IGF2BP2: variants seen among roughly 807,000 people sequenced by gnomAD.
IGF2BP2 encodes insulin-like growth factor 2 mRNA-binding protein 2.
Under a neutral mutation model 75.8 loss-of-function variants are expected in IGF2BP2, and 17 were observed. The observed-to-expected ratio is 0.22, with a 90% CI of 0.15 to 0.34. The LOEUF is 0.34. Ranked by LOEUF, IGF2BP2 falls within the 10% of genes least tolerant of loss-of-function variation. The pLI is 1.00. For missense variants in IGF2BP2, 516 were observed against 772.4 expected (o/e 0.67, Z 3.93); for synonymous variants, 288 against 295.6 (o/e 0.97, Z 0.26).
chr3:185,785,482 C>T (rs1735770006), intron 2 of IGF2BP2, among the ~76,000 whole-genome samples: 1 of 151,538 alleles, frequency 6.6e-6, no homozygotes, highest in Non-Finnish European at 1.5e-5. Flanking sequence ...ATCAGGGAGA[C>T]TTAAGCATTT....
chr3:185,710,009 G>C (rs959139620), intron 2 of IGF2BP2, among the ~76,000 whole-genome samples: 2 of 152,172 alleles, frequency 1.3e-5, no homozygotes, highest in African/African-American at 2.4e-5. Context: ...ACTTATGTTA[G>C]GTGTTGGGGT....
intron 2 of IGF2BP2, among the ~76,000 whole-genome samples, chr3:185,736,783 T>C (rs1441945949): frequency 2.6e-5 from 4 of 152,186 alleles, no homozygotes; most frequent in Non-Finnish European, 5.9e-5. Flanking sequence ...TGCACAATGT[T>C]GGGGACATGC....
At chr3:185,749,460 A>G (rs1730681126) in intron 2 of IGF2BP2, among the ~76,000 whole-genome samples, 1 of 152,224 alleles carries the variant, frequency 6.6e-6, no homozygotes, top group Admixed American at 6.5e-5. Context: ...TCAAACAAGC[A>G]ATTAAAGTTG....
At chr3:185,733,294 A>G (rs1298255219) in intron 2 of IGF2BP2, among the ~76,000 whole-genome samples, 1 of 152,214 alleles carries the variant, frequency 6.6e-6, no homozygotes, top group African/African-American at 2.4e-5. Flanking sequence ...TCCCAAGGAA[A>G]AGAGGGTGCT....
chr3:185,801,073 G>C (rs1195757096), intron 2 of IGF2BP2, among the ~76,000 whole-genome samples: 2 of 152,006 alleles, frequency 1.3e-5, no homozygotes, highest in Non-Finnish European at 2.9e-5. Flanking sequence ...CTTCTCAAAA[G>C]AAGACATTCA....
At chr3:185,792,458 AT>A (rs934613378) in intron 2 of IGF2BP2, among the ~76,000 whole-genome samples, 24 of 149,296 alleles carry the variant, frequency 1.6e-4, no homozygotes, top group South Asian at 4.2e-4. Context: ...TACAAAAATT[AT>A]TTTTTTTTTT....
At chr3:185,769,250 T>C (rs1214184462) in intron 2 of IGF2BP2, among the ~76,000 whole-genome samples, 1 of 149,706 alleles carries the variant, frequency 6.7e-6, no homozygotes, top group African/African-American at 2.5e-5. Flanking sequence ...GGCCAAGGAG[T>C]TGAGGTGGAA....
intron 2 of IGF2BP2, among the ~76,000 whole-genome samples, chr3:185,751,224 T>C (rs1037487293): frequency 2.6e-5 from 4 of 152,070 alleles, no homozygotes; most frequent in Admixed American, 6.6e-5. Flanking sequence ...ATCATACATA[T>C]AGAAATTAGA....
rs771848248 is a variant in IGF2BP2, at chr3:185,672,579, G to C, written c.1162C>G (p.Arg388Gly). ...TAGGGGGCAGCGGGGGGAGCTCCGC[G>C]GGGCCCTGCTGGTGGAGATAGCACG... ...LSVLSPPAGP[R>G]GAPPAAPYHP... is the part of the protein sequence containing the mutation. The change falls in exon 10 of 16, where the codon CGC becomes GGC. Residue 388 changes from arginine (R) to glycine (G), a missense_variant. This residue lies in a region of IGF2BP2 where 75 missense variants were observed against 67.4 expected (regional missense o/e 1.11). Transcript: ENST00000382199. 1.9e-6 allele frequency: 3 copies of C among 1,612,936 alleles called. No homozygotes were observed. The South Asian group carries it at 3.3e-5, about 18-fold the overall frequency.
chr3:185,774,058 C>A (rs1734218914), intron 2 of IGF2BP2, among the ~76,000 whole-genome samples: 1 of 152,162 alleles, frequency 6.6e-6, no homozygotes, highest in Non-Finnish European at 1.5e-5. Context: ...TTCTCTACCT[C>A]TCCTTAACAC....
At chr3:185,822,643 A>G (rs1211296607) in intron 2 of IGF2BP2, among the ~76,000 whole-genome samples, 1 of 152,222 alleles carries the variant, frequency 6.6e-6, no homozygotes, top group East Asian at 1.9e-4. Context: ...CATCCAATCC[A>G]AACAACCCAC....
In IGF2BP2 at chr3:185,744,397, A is replaced by T. The variant is rs1362090323; in HGVS notation, c.240-46050T>A. Among the ~76,000 whole-genome samples, 4 of 152,222 alleles carry T rather than the reference A, an allele frequency of 2.6e-5. No homozygotes were observed. In the East Asian group the frequency reaches 7.7e-4, roughly 29 times the overall value. On this transcript the variant is annotated intron_variant, in intron 2 of 15. Transcript: ENST00000382199. ...TATGATATAGTCTGCAAAAAAAAAG[A>T]ACAAAAGGTATAAATGTTCATTGTA... is the stretch of plus-strand genomic sequence containing the variant.
chr3:185,822,745 CTAAGT>C (rs770639133), intron 2 of IGF2BP2, among the ~76,000 whole-genome samples: 16 of 151,148 alleles, frequency 1.1e-4, no homozygotes, highest in East Asian at 2.0e-4. Context: ...TAATTAATCG[CTAAGT>C]TTAGTTAAGC....
At chr3:185,734,134 T>C (rs1728549077) in intron 2 of IGF2BP2, among the ~76,000 whole-genome samples, 1 of 152,210 alleles carries the variant, frequency 6.6e-6, no homozygotes, top group Non-Finnish European at 1.5e-5. Context: ...CTCAAGTTCC[T>C]CTAGGCAGCT....
intron 7 of IGF2BP2, 103 bp from the exon 8 acceptor site, chr3:185,676,016 CA>C (rs891600287): frequency 6.9e-7 from 1 of 1,449,944 alleles, no homozygotes; most frequent in African/African-American, 1.4e-5. Flanking sequence ...TCATTTTGTT[CA>C]GGTACCAAGT....
chr3:185,806,377 A>G (rs1194973213), intron 2 of IGF2BP2, among the ~76,000 whole-genome samples: 1 of 152,214 alleles, frequency 6.6e-6, no homozygotes, highest in Non-Finnish European at 1.5e-5. Context: ...TTTAACTCAT[A>G]AAAAAGCATC....
chr3:185,664,539 G>C (rs1200076552), intron 10 of IGF2BP2, among the ~76,000 whole-genome samples: 3 of 152,174 alleles, frequency 2.0e-5, no homozygotes, highest in Admixed American at 1.3e-4. Flanking sequence ...ACAAAATTGT[G>C]ATTTGATCTC....
chr3:185,667,671 AC>A lies in IGF2BP2; in HGVS notation c.1200+4869del, dbSNP rs1223872195. Among the ~76,000 whole-genome samples the A allele has an allele frequency of 2.0e-5, 3 of 152,320 alleles. No individual in the cohort carries two copies. The East Asian group carries it at 5.8e-4, about 29-fold the overall frequency. On this transcript the variant is annotated intron_variant, in intron 10 of 15. Coordinates refer to ENST00000382199, the MANE Select transcript of IGF2BP2 (RefSeq NM_006548.6). ...ATCTGTGAATATTTAAAATGCATAT[AC>A]CCTTTGACATAATAATTCCAGTCTT...
chr3:185,784,905 T>A (rs1454556694), intron 2 of IGF2BP2, among the ~76,000 whole-genome samples: 1 of 152,238 alleles, frequency 6.6e-6, no homozygotes, highest in Non-Finnish European at 1.5e-5. Context: ...ATGACCTAAA[T>A]TCCTGACATT....
Sources: gnomAD v4.1 joint callset for allele counts (sites outside exome capture counted in the v4.1 genomes callset) on GRCh38, gnomAD v4.1.1 for gene constraint, gnomAD v4.1.1 regional missense constraint, MANE v1.5 for transcripts, NCBI Gene and HGNC (gene_info 2026-07-23, HGNC 2026-07-21) for gene names.